The following ROR1 variants were observed in gnomAD, a reference collection of about 807,000 sequenced individuals.
The protein encoded by ROR1 is ROR family WNT receptor 1.
A neutral mutation model predicts 78.8 loss-of-function variants in ROR1; 19 were observed. The ratio of observed to expected loss-of-function variants is 0.24; its 90% CI spans 0.17 to 0.35. ROR1 has a LOEUF of 0.35. Among genes scored for constraint, ROR1 ranks in the 10% least tolerant of loss-of-function variants. The pLI is 1.00. For synonymous variants in ROR1, 386 were observed against 433.6 expected (o/e 0.89, Z 1.36); for missense variants, 917 against 1,177.8 (o/e 0.78, Z 3.24).
At chr1:64,020,463 T>C (rs1352351456) in intron 2 of ROR1, among the ~76,000 whole-genome samples, 1 of 152,184 alleles carries the variant, frequency 6.6e-6, no homozygotes, top group African/African-American at 2.4e-5. Context: ...CTCTACAATT[T>C]AGTGGAAGAG....
At chr1:64,069,516 ATGTG>A (rs143372488) in intron 4 of ROR1, among the ~76,000 whole-genome samples, 16 of 150,424 alleles carry the variant, frequency 1.1e-4, no homozygotes, top group South Asian at 4.2e-4. Flanking sequence ...CTTGGGTTAA[ATGTG>A]TGTGTGTGTG....
intron 1 of ROR1, among the ~76,000 whole-genome samples, chr1:63,825,312 TG>T (rs770498286): frequency 1.3e-5 from 2 of 152,222 alleles, no homozygotes; most frequent in African/African-American, 4.8e-5. Flanking sequence ...AAACAAAATG[TG>T]GTATATCTAT....
intron 1 of ROR1, among the ~76,000 whole-genome samples, chr1:63,903,512 G>A (rs74077489): frequency 2.0e-4 from 31 of 151,798 alleles, no homozygotes; most frequent in African/African-American, 7.2e-4. Context: ...TGTTTTGGAA[G>A]TCAGAATGAT....
chr1:64,138,591 G>A (rs1409971350), intron 5 of ROR1, among the ~76,000 whole-genome samples: 1 of 150,842 alleles, frequency 6.6e-6, no homozygotes, highest in East Asian at 2.0e-4. Flanking sequence ...TGTCACCCAG[G>A]CTGGAATGCA....
At chr1:64,105,807 A>G (rs1647775024) in intron 4 of ROR1, 1 of 152,076 alleles carries the variant, frequency 6.6e-6, no homozygotes, top group Non-Finnish European at 1.5e-5. Flanking sequence ...GTTCTGTTCC[A>G]TTGGTCTATA....
chr1:64,004,290 C>T (rs569058368), intron 1 of ROR1, among the ~76,000 whole-genome samples: 13 of 152,270 alleles, frequency 8.5e-5, no homozygotes, highest in African/African-American at 2.9e-4. Context: ...GTAAACACAA[C>T]AATATATAAA....
rs753648029 is a variant in ROR1, at chr1:63,947,194, C to T, written c.92-62111C>T. Among the ~76,000 whole-genome samples the T allele has an allele frequency of 5.9e-5, 9 of 152,130 alleles. No homozygotes were observed. The East Asian group carries it at 7.7e-4, about 13-fold the overall frequency. On this transcript the variant is annotated intron_variant, in intron 1 of 8. Transcript: ENST00000371079. The stretch of plus-strand genomic sequence containing the variant: ...CCATGTTGGCCCAGGAGCAGCAGTC[C>T]GGGAGCGCGCCCAGTACAGTCCCCT...
chr1:63,903,294 G>A (rs988455315), intron 1 of ROR1, among the ~76,000 whole-genome samples: 14 of 152,138 alleles, frequency 9.2e-5, no homozygotes, highest in African/African-American at 3.4e-4. Flanking sequence ...CACAGACCTA[G>A]GTTCAGATTA....
chr1:64,108,927 C>T (rs1293364084), intron 4 of ROR1, among the ~76,000 whole-genome samples: 1 of 152,072 alleles, frequency 6.6e-6, no homozygotes, highest in Admixed American at 6.6e-5. Context: ...CTACTAAATC[C>T]AAATCTCCAG....
chr1:64,037,834 A>G (rs377724254), intron 2 of ROR1, among the ~76,000 whole-genome samples: 25 of 152,098 alleles, frequency 1.6e-4, no homozygotes, highest in Non-Finnish European at 2.9e-5. Flanking sequence ...TGCATGGTAC[A>G]TGTCACCAAG....
At chr1:63,894,699 T>G (rs1645425841) in intron 1 of ROR1, among the ~76,000 whole-genome samples, 1 of 152,156 alleles carries the variant, frequency 6.6e-6, no homozygotes, top group South Asian at 2.1e-4. Flanking sequence ...GCCTTATGCA[T>G]AATCCCTCCT....
intron 2 of ROR1, among the ~76,000 whole-genome samples, chr1:64,022,434 A>G (rs1646572265): frequency 6.6e-6 from 1 of 152,232 alleles, no homozygotes; most frequent in Admixed American, 6.5e-5. Flanking sequence ...AAAACTCTAA[A>G]TAAACAAAAC....
At chr1:64,070,517 A>G (rs1350857985) in intron 4 of ROR1, among the ~76,000 whole-genome samples, 1 of 152,004 alleles carries the variant, frequency 6.6e-6, no homozygotes, top group Non-Finnish European at 1.5e-5. Context: ...ATGGGATCCC[A>G]CCATATTGCC....
intron 8 of ROR1, among the ~76,000 whole-genome samples, chr1:64,159,466 A>G (rs1004451411): frequency 3.9e-5 from 6 of 152,158 alleles, no homozygotes; most frequent in African/African-American, 1.4e-4. Flanking sequence ...CATCCTGACC[A>G]GCCCGTCAGG....
At position 64,049,746 on chromosome 1, in the gene ROR1, G is replaced by A. The variant is rs1204757914; in HGVS notation, c.219G>A (p.Gln73=). 1.2e-6 allele frequency: 2 copies of A among 1,614,122 alleles called. No homozygotes were observed. The highest frequency in any genetic ancestry group is 2.2e-5 in the East Asian group (1 of 44,882). The change falls in exon 3 of 9, where the codon CAG becomes CAA. Residue 73 remains glutamine, a synonymous_variant. Coordinates refer to ENST00000371079, the MANE Select transcript of ROR1 (RefSeq NM_005012.4). ...ATAACATCACCACGTCTCTGGGCCA[G>A]ACAGCAGAACTGCACTGCAAAGTCT... ...PMNNITTSLG[Q]TAELHCKVSG... is the part of the protein sequence containing the mutation.
rs1426328677 is a variant in ROR1, at chr1:64,051,470, AAT to A, written c.482+756_482+757del. 4.8e-3 allele frequency among the ~76,000 whole-genome samples: 689 copies of A among 142,316 alleles called. 11 individuals carry two copies. Among genetic ancestry groups the A allele is most frequent in the East Asian group, 0.024 (123 of 5,106 alleles). The allele number at this position is 142,316 out of a possible 152,430, so 93.4% of individuals were successfully genotyped here. ...GTCTCAAAAATAAAAAATAAAATAA[AAT>A]AAAATAAAATAAAATAAAATAAAAT... On this transcript the variant is annotated intron_variant, in intron 4 of 8. Transcript: ENST00000371079.
chr1:64,060,216 TA>T (rs750033771), intron 4 of ROR1, among the ~76,000 whole-genome samples: 1 of 152,180 alleles, frequency 6.6e-6, no homozygotes, highest in African/African-American at 2.4e-5. Flanking sequence ...TTAAATGACA[TA>T]ATAAGATGAT....
At chr1:64,011,060 C>G (rs996370076) in intron 2 of ROR1, among the ~76,000 whole-genome samples, 3 of 152,180 alleles carry the variant, frequency 2.0e-5, no homozygotes, top group African/African-American at 7.2e-5. Context: ...TTTTATAAAA[C>G]AGCAATGGGT....
At chr1:64,088,047 T>C (rs1336110221) in intron 4 of ROR1, among the ~76,000 whole-genome samples, 1 of 152,186 alleles carries the variant, frequency 6.6e-6, no homozygotes, top group African/African-American at 2.4e-5. Flanking sequence ...TTTCTGCCAG[T>C]TGTGGTTTTG....
Sources: gnomAD v4.1 joint callset for allele counts (sites outside exome capture counted in the v4.1 genomes callset) on GRCh38, gnomAD v4.1.1 for gene constraint, MANE v1.5 for transcripts, NCBI Gene and HGNC (gene_info 2026-07-23, HGNC 2026-07-21) for gene names.